Variants in MET observed in about 807,000 individuals in gnomAD.
The protein encoded by MET is hepatocyte growth factor receptor.
A neutral mutation model predicts 133.1 loss-of-function variants in MET; 48 were observed. The ratio of observed to expected loss-of-function variants is 0.36; its 90% confidence interval spans 0.29 to 0.46. The LOEUF (loss-of-function observed/expected upper bound fraction) is 0.46, where lower values mean the gene tolerates loss of function less well. Among genes scored for constraint, MET ranks in the 20% least tolerant of loss-of-function variants. The pLI, the probability that MET is intolerant of heterozygous loss-of-function variation, is 1.00. For missense variants in MET, 1,442 were observed against 1,695.9 expected, an observed-to-expected ratio of 0.85 and a Z score of 2.63; for synonymous variants, 628 against 616.5, an observed-to-expected ratio of 1.02 and a Z score of -0.28.
intron 11 of MET, among the ~76,000 whole-genome samples, chr7:116,765,927 G>C (rs1318238016): frequency 6.6e-6 from 1 of 152,116 alleles, no homozygotes; most frequent in Non-Finnish European, 1.5e-5. Flanking sequence ...CAGGCTTCTT[G>C]ATTCCAAATT....
intron 19 of MET, among the ~76,000 whole-genome samples, chr7:116,793,055 T>G (rs976494549): frequency 1.3e-5 from 2 of 152,216 alleles, no homozygotes; most frequent in African/African-American, 4.8e-5. Flanking sequence ...ACCTCCTAAC[T>G]GGCCTCCATA....
chr7:116,685,463 G>A (rs1796516473), intron 1 of MET, among the ~76,000 whole-genome samples: 1 of 151,992 alleles, frequency 6.6e-6, no homozygotes, highest in African/African-American at 2.4e-5. Context: ...GGATAGTGAG[G>A]CGGGTGGTGG....
chr7:116,764,119 T>C (rs189850806), intron 11 of MET, among the ~76,000 whole-genome samples: 46 of 152,336 alleles, frequency 3.0e-4, no homozygotes, highest in Non-Finnish European at 4.9e-4. Flanking sequence ...TAGGCTTTCA[T>C]GGGTCATCTC....
At chr7:116,780,109 A>G (rs1020398460) in intron 17 of MET, among the ~76,000 whole-genome samples, 1 of 152,190 alleles carries the variant, frequency 6.6e-6, no homozygotes, top group Non-Finnish European at 1.5e-5. Flanking sequence ...TGTTGAATGA[A>G]TCAGCTAAGG....
chr7:116,782,887 A>C (rs1031316112), intron 18 of MET, among the ~76,000 whole-genome samples: 1 of 152,226 alleles, frequency 6.6e-6, no homozygotes, highest in Non-Finnish European at 1.5e-5. Flanking sequence ...GAAAAAGTAA[A>C]GTATCAGTCC....
intron 8 of MET, 105 bp from the exon 9 acceptor site, chr7:116,758,354 C>T: frequency 8.2e-7 from 1 of 1,215,766 alleles, no homozygotes; most frequent in Non-Finnish European, 1.2e-6. Context: ...CAGGAAATTC[C>T]CACTTAGGAA....
intron 6 of MET, among the ~76,000 whole-genome samples, chr7:116,756,921 G>A (rs1172984423): frequency 2.0e-5 from 3 of 152,120 alleles, no homozygotes; most frequent in African/African-American, 7.2e-5. Context: ...AAGTGCTATA[G>A]TACCATTAAT....
chr7:116,794,157 G>A (rs1378963674), intron 19 of MET, among the ~76,000 whole-genome samples: 1 of 151,954 alleles, frequency 6.6e-6, no homozygotes, highest in Non-Finnish European at 1.5e-5. Flanking sequence ...ATTGTCCTGT[G>A]TGGCAGTTAT....
At chr7:116,786,765 GCAAA>G (rs1346868648) in intron 19 of MET, among the ~76,000 whole-genome samples, 1 of 152,322 alleles carries the variant, frequency 6.6e-6, no homozygotes, top group African/African-American at 2.4e-5. Context: ...AGGAAAATGT[GCAAA>G]CAAAGTAGTC....
intron 11 of MET, among the ~76,000 whole-genome samples, chr7:116,765,353 T>G (rs1170496578): frequency 6.6e-6 from 1 of 151,820 alleles, no homozygotes; most frequent in Non-Finnish European, 1.5e-5. Context: ...AATCATGTGT[T>G]TAGAATGAGA....
At chr7:116,713,395 A>AG (rs1792077676) in intron 2 of MET, among the ~76,000 whole-genome samples, 1 of 124,014 alleles carries the variant, frequency 8.1e-6, no homozygotes, top group African/African-American at 4.4e-5. Context: ...ACTCCGTCTC[A>AG]AAAAAAAAAA....
intron 1 of MET, among the ~76,000 whole-genome samples, chr7:116,674,801 G>A (rs945125037): frequency 5.3e-5 from 8 of 152,118 alleles, no homozygotes; most frequent in Non-Finnish European, 7.3e-5. Flanking sequence ...CATTTCTCCA[G>A]CCCAGTTTGC....
chr7:116,743,930 C>A (rs1030485541), intron 5 of MET, among the ~76,000 whole-genome samples: 1 of 152,162 alleles, frequency 6.6e-6, no homozygotes, highest in Non-Finnish European at 1.5e-5. Flanking sequence ...CTCCAGAAGA[C>A]CTGCAGCAGT....
intron 15 of MET, among the ~76,000 whole-genome samples, chr7:116,776,061 T>C (rs1794985057): frequency 6.6e-6 from 1 of 151,996 alleles, no homozygotes; most frequent in Non-Finnish European, 1.5e-5. Flanking sequence ...AACTTCATTC[T>C]TCTTGTTGTT....
intron 2 of MET, among the ~76,000 whole-genome samples, chr7:116,730,981 G>T (rs1477958599): frequency 3.3e-5 from 5 of 152,166 alleles, no homozygotes; most frequent in Non-Finnish European, 7.3e-5. Flanking sequence ...GGGTTCTATT[G>T]TGAGAGATTT....
intron 10 of MET, among the ~76,000 whole-genome samples, chr7:116,761,269 T>A (rs1288941934): frequency 1.3e-5 from 2 of 152,208 alleles, no homozygotes; most frequent in Non-Finnish European, 2.9e-5. Flanking sequence ...AAACTTCTGT[T>A]GTTTTAGTGA....
chr7:116,692,754 C>T (rs189261959), intron 1 of MET, among the ~76,000 whole-genome samples: 1 of 152,250 alleles, frequency 6.6e-6, no homozygotes, highest in African/African-American at 2.4e-5. Context: ...AAATGTTTTG[C>T]CAGTGATATT....
intron 1 of MET, among the ~76,000 whole-genome samples, chr7:116,694,988 G>A (rs1471443861): frequency 2.6e-5 from 4 of 152,132 alleles, no homozygotes; most frequent in African/African-American, 9.7e-5. Flanking sequence ...CCTTCAAAAA[G>A]CCTAGAAGAA....
chr7:116,788,600 T>A (rs1268283013), intron 19 of MET, among the ~76,000 whole-genome samples: 1 of 152,210 alleles, frequency 6.6e-6, no homozygotes, highest in Non-Finnish European at 1.5e-5. Context: ...TCTTTCTCAC[T>A]CTCATCGAAA....
Sources: gnomAD v4.1 joint callset for allele counts (sites outside exome capture counted in the v4.1 genomes callset) on GRCh38, gnomAD v4.1.1 for gene constraint, MANE v1.5 for transcripts, NCBI Gene and HGNC (gene_info 2026-07-23, HGNC 2026-07-21) for gene names.